Variants in TRPM8 observed in about 807,000 individuals in gnomAD.
The protein encoded by TRPM8 is transient receptor potential cation channel subfamily M member 8.
In TRPM8, 110 loss-of-function variants were observed where a neutral mutation model predicts 133.7. The ratio of observed to expected loss-of-function variants is 0.82; its 90% CI spans 0.70 to 0.96. The LOEUF (loss-of-function observed/expected upper bound fraction) is 0.96, where lower values mean the gene tolerates loss of function less well. TRPM8 is among the 40% of genes least tolerant of loss of function. TRPM8 has a pLI of 0.00. For synonymous variants in TRPM8, 535 were observed against 532.3 expected, an observed-to-expected ratio of 1.01 and a Z score of -0.07; for missense variants, 1,291 against 1,379.5, an observed-to-expected ratio of 0.94 and a Z score of 1.02.
intron 21 of TRPM8, among the ~76,000 whole-genome samples, chr2:233,994,203 T>C (rs542596839): frequency 6.6e-6 from 1 of 152,298 alleles, no homozygotes; most frequent in East Asian, 1.9e-4. Flanking sequence ...TGCACACGTG[T>C]CTCGTTGCAG....
Position 233,963,390 on chromosome 2 carries a change from G to A in TRPM8, c.1749+13G>A. On this transcript the variant is annotated intron_variant, in intron 13 of 25. Coordinates refer to ENST00000324695, the MANE Select transcript of TRPM8 (RefSeq NM_024080.5). ...CATTTGGGAGCAGGTAAGTGCCCAAGCCCACATCAGATTTACACCAAATAT... is the reference window on the plus strand; with the variant it reads ...CATTTGGGAGCAGGTAAGTGCCCAAACCCACATCAGATTTACACCAAATAT... The A allele has an allele frequency of 6.5e-7, 1 of 1,540,084 alleles. No individual in the cohort carries two copies. Among genetic ancestry groups the A allele is most frequent in the Non-Finnish European group, 9.0e-7 (1 of 1,115,868 alleles).
intron 4 of TRPM8, 54 bp from the exon 5 acceptor site, chr2:233,938,944 C>T: frequency 1.9e-6 from 3 of 1,581,040 alleles, no homozygotes; most frequent in Middle Eastern, 3.4e-4. Flanking sequence ...ATGCTAAACC[C>T]CGACCTCAGG....
chr2:233,932,065 G>A (rs17864744), intron 3 of TRPM8, among the ~76,000 whole-genome samples: 13,507 of 152,206 alleles, frequency 0.089, 822 homozygotes, highest in Admixed American at 0.18. Flanking sequence ...CGTTGCTTTG[G>A]GCAGAACAAA....
chr2:233,932,158 A>C (rs1691692419), intron 3 of TRPM8, among the ~76,000 whole-genome samples: 1 of 152,202 alleles, frequency 6.6e-6, no homozygotes, highest in African/African-American at 2.4e-5. Context: ...GGGGTGTGAT[A>C]ATGGGATCTT....
At chr2:234,007,408 C>T (rs544661626) in intron 23 of TRPM8, among the ~76,000 whole-genome samples, 1 of 152,270 alleles carries the variant, frequency 6.6e-6, no homozygotes, top group East Asian at 1.9e-4. Flanking sequence ...ACAGGCTGTC[C>T]ATGAAAAATC....
In TRPM8 at chr2:234,018,019, ATAGAAAATTTAGACCATACAGAGATG is replaced by A. The variant is rs1692999080; in HGVS notation, c.*770_*795del. ...CCATTAAAAATAATAGCTGGCTATT[ATAGAAAATTTAGACCATACAGAGATG>A]TAGAAAGAACATAAATTGTCCCCAT... On this transcript the variant is annotated 3_prime_UTR_variant, in exon 26 of 26. Coordinates refer to ENST00000324695, the MANE Select transcript of TRPM8 (RefSeq NM_024080.5). 1 of 152,194 alleles carries A rather than the reference ATAGAAAATTTAGACCATACAGAGATG, an allele frequency of 6.6e-6. No homozygotes were observed. Among genetic ancestry groups the A allele is most frequent in the Admixed American group, 6.5e-5 (1 of 15,274 alleles). The allele number at this position is 152,194 out of a possible 1,614,324, so 9.4% of individuals were successfully genotyped here. A position where few individuals can be genotyped will look rare whatever the true frequency, so the allele number is the denominator to read the frequency against.
chr2:234,006,912 C>A lies in TRPM8; in HGVS notation c.3190C>A (p.Leu1064Ile). Residue 1064 changes from leucine (L) to isoleucine (I), a missense_variant, in exon 23 of 26, where the codon CTT becomes ATT. Physicochemically the swap from Leu to Ile is conservative, Grantham distance 5. Coordinates refer to ENST00000324695, the MANE Select transcript of TRPM8 (RefSeq NM_024080.5). ...AWEGVMKENY[L>I]VKINTKANDT... ...GGAGGGTGTCATGAAGGAAAACTAC[C>A]TTGTCAAGATCAACACAAAAGCCAA... 2 of 1,613,894 alleles carry A rather than the reference C, an allele frequency of 1.2e-6. No homozygotes were observed. The highest frequency in any genetic ancestry group is 1.7e-6 in the Non-Finnish European group (2 of 1,179,888).
intron 1 of TRPM8, among the ~76,000 whole-genome samples, chr2:233,925,592 C>A (rs1691498620): frequency 6.6e-6 from 1 of 152,022 alleles, no homozygotes; most frequent in Non-Finnish European, 1.5e-5. Context: ...GAGGTGGAGA[C>A]CAGCAGGGCC....
chr2:233,936,420 T>C (rs776757513), intron 3 of TRPM8, among the ~76,000 whole-genome samples: 25 of 152,226 alleles, frequency 1.6e-4, no homozygotes, highest in African/African-American at 5.5e-4. Flanking sequence ...TTTAGTTCCA[T>C]TGCATTTTTA....
At position 234,018,883 on chromosome 2, in the gene TRPM8, T is replaced by TAC. The variant is rs1553673951; in HGVS notation, c.*1627_*1628insAC. ...AAATAAATAAATAAATAAATAAATA[T>TAC]TATGGATGGTGAAGGGAATGGTATA... On this transcript the variant is annotated 3_prime_UTR_variant, in exon 26 of 26. Coordinates refer to ENST00000324695, the MANE Select transcript of TRPM8 (RefSeq NM_024080.5). 1.3e-5 allele frequency: 1 copy of TAC among 79,062 alleles called. No individual in the cohort carries two copies. The highest frequency in any genetic ancestry group is 2.5e-5 in the Non-Finnish European group (1 of 39,536). 4.9% of individuals were successfully genotyped at this position (79,062 alleles called of 1,614,324 possible). A position where few individuals can be genotyped will look rare whatever the true frequency, so the allele number is the denominator to read the frequency against.
chr2:233,927,858 T>TC lies in TRPM8; in HGVS notation c.117+1204_117+1205insC, dbSNP rs1265192782. 1.1e-4 allele frequency among the ~76,000 whole-genome samples: 5 copies of TC among 44,176 alleles called. No individual in the cohort carries two copies. The East Asian group carries it at 5.0e-3, about 44-fold the overall frequency. The allele number at this position is 44,176 out of a possible 152,430, so 29.0% of individuals were successfully genotyped here. A position where few individuals can be genotyped will look rare whatever the true frequency, so the allele number is the denominator to read the frequency against. On this transcript the variant is annotated intron_variant, in intron 2 of 25. Transcript: ENST00000324695. ...TTCCTTCCTTCCTTCCTTCCTTTCTTTCTCTTTCTTTCTTTCTTTCTTTCT... is the reference window on the plus strand; with the variant it reads ...TTCCTTCCTTCCTTCCTTCCTTTCTTCTCTCTTTCTTTCTTTCTTTCTTTCT...
At chr2:233,951,083 G>T (rs1031238432) in intron 9 of TRPM8, among the ~76,000 whole-genome samples, 1 of 151,972 alleles carries the variant, frequency 6.6e-6, no homozygotes, top group African/African-American at 2.4e-5. Flanking sequence ...AATTACCCAG[G>T]CATGCTGACA....
chr2:233,980,289 C>T lies in TRPM8; in HGVS notation c.2447+10C>T, dbSNP rs767282430. 2.6e-6 allele frequency: 4 copies of T among 1,564,000 alleles called. No individual in the cohort carries two copies. The African/African-American group carries it at 4.1e-5, about 16-fold the overall frequency. Reference sequence around the variant, plus strand: ...CAGGAATTGTATTTCGGTAAGTAGTCTCATCACTTTTCCTAATTTTCTGTG... The same window carrying T: ...CAGGAATTGTATTTCGGTAAGTAGTTTCATCACTTTTCCTAATTTTCTGTG... On this transcript the variant is annotated intron_variant, in intron 18 of 25. Coordinates refer to ENST00000324695, the MANE Select transcript of TRPM8 (RefSeq NM_024080.5).
intron 21 of TRPM8, among the ~76,000 whole-genome samples, chr2:233,987,868 G>C (rs1046867815): frequency 6.6e-6 from 1 of 151,962 alleles, no homozygotes; most frequent in African/African-American, 2.4e-5. Flanking sequence ...CTCTCATTCT[G>C]TTTGCCTGCT....
intron 22 of TRPM8, among the ~76,000 whole-genome samples, chr2:233,998,651 C>T (rs1044380938): frequency 1.4e-5 from 2 of 144,244 alleles, no homozygotes; most frequent in African/African-American, 2.6e-5. Context: ...TAGGGTGAGC[C>T]GCCTGTGCCC....
chr2:233,981,674 C>A, intron 18 of TRPM8, 100 bp from the exon 19 acceptor site: 3 of 1,274,658 alleles, frequency 2.4e-6, no homozygotes, highest in Non-Finnish European at 3.2e-6. Flanking sequence ...CTCAACCTTC[C>A]AGCTCTTGCC....
intron 10 of TRPM8, 72 bp downstream of exon 10, chr2:233,954,091 C>G (rs893269028): frequency 2.7e-6 from 3 of 1,104,062 alleles, no homozygotes; most frequent in South Asian, 1.7e-5. Context: ...ACTTACATTT[C>G]TTTTATAAAA....
chr2:233,951,409 C>T (rs944910201), intron 9 of TRPM8, among the ~76,000 whole-genome samples: 6 of 152,100 alleles, frequency 3.9e-5, no homozygotes, highest in South Asian at 4.1e-4. Context: ...GAGGAAGAAA[C>T]GGATGACTCT....
chr2:233,956,346 A>T (rs1691294025), intron 11 of TRPM8, among the ~76,000 whole-genome samples: 1 of 152,158 alleles, frequency 6.6e-6, no homozygotes, highest in South Asian at 2.1e-4. Flanking sequence ...CTTTCTAGCA[A>T]ACTGCATTTT....
Sources: gnomAD v4.1 joint callset for allele counts (sites outside exome capture counted in the v4.1 genomes callset) on GRCh38, gnomAD v4.1.1 for gene constraint, MANE v1.5 for transcripts, NCBI Gene and HGNC (gene_info 2026-07-23, HGNC 2026-07-21) for gene names.